The following EPB41L1 variants were observed in gnomAD, a reference collection of about 807,000 sequenced individuals.
EPB41L1 encodes band 4.1-like protein 1.
Under a neutral mutation model 97.8 loss-of-function variants are expected in EPB41L1, and 29 were observed. That is an observed-to-expected ratio of 0.30 (90% CI 0.22 to 0.40). The LOEUF is 0.40. Among genes scored for constraint, EPB41L1 ranks in the 10% least tolerant of loss-of-function variants. EPB41L1 has a pLI of 1.00. For missense variants in EPB41L1, 812 were observed against 1,162.3 expected, an observed-to-expected ratio of 0.70 and a Z score of 4.38; for synonymous variants, 383 against 459.2, an observed-to-expected ratio of 0.83 and a Z score of 2.12.
intron 1 of EPB41L1, among the ~76,000 whole-genome samples, chr20:36,108,740 A>G (rs745986845): frequency 7.9e-5 from 12 of 152,186 alleles, no homozygotes; most frequent in Non-Finnish European, 1.8e-4. Flanking sequence ...CTCGCATTGT[A>G]TTTCTATTTG....
chr20:36,190,526 G>T lies in EPB41L1; in HGVS notation c.1125-96G>T. On this transcript the variant is annotated intron_variant, in intron 10 of 21. Coordinates refer to ENST00000338074, the MANE Select transcript of EPB41L1 (RefSeq NM_012156.2). The surrounding 1 kb of genome is among the most constrained non-coding windows in gnomAD (Gnocchi z 5.8). ...TGGACCACTTTGAATTGTTGTAGTT[G>T]GTGGAGTAGTGGGATGAAAGGCCAG... 6.4e-7 allele frequency: 1 copy of T among 1,562,920 alleles called. No individual in the cohort carries two copies. The highest frequency in any genetic ancestry group is 1.1e-5 in the South Asian group (1 of 88,836).
chr20:36,160,662 C>T (rs1031382329), intron 1 of EPB41L1, among the ~76,000 whole-genome samples: 1 of 152,166 alleles, frequency 6.6e-6, no homozygotes, highest in Admixed American at 6.5e-5. Context: ...TCCTACTCTC[C>T]AGTCGTAGCT....
chr20:36,128,774 T>G (rs920084328), intron 2 of EPB41L1, among the ~76,000 whole-genome samples: 19 of 152,302 alleles, frequency 1.2e-4, no homozygotes, highest in Non-Finnish European at 2.5e-4. Context: ...CTTCAGAGCC[T>G]GGTTTAGTTT....
intron 2 of EPB41L1, among the ~76,000 whole-genome samples, chr20:36,133,699 A>G (rs2059307772): frequency 6.6e-6 from 1 of 152,134 alleles, no homozygotes; most frequent in African/African-American, 2.4e-5. Flanking sequence ...TACAAAAAAT[A>G]CAAAAATTAC....
chr20:36,128,085 G>A (rs2059044201), intron 2 of EPB41L1, among the ~76,000 whole-genome samples: 1 of 152,156 alleles, frequency 6.6e-6, no homozygotes, highest in African/African-American at 2.4e-5. Flanking sequence ...GGGGCAGCTG[G>A]AAGAGCCCTG....
At chr20:36,121,201 C>G (rs1052245055) in intron 2 of EPB41L1, among the ~76,000 whole-genome samples, 11 of 152,136 alleles carry the variant, frequency 7.2e-5, no homozygotes, top group Middle Eastern at 3.4e-3. Flanking sequence ...GCACCCTGAT[C>G]TTTGACTTCT....
At chr20:36,125,517 G>A (rs759706359) in intron 2 of EPB41L1, 28 of 1,522,578 alleles carry the variant, frequency 1.8e-5, no homozygotes, top group East Asian at 9.8e-5. Flanking sequence ...CCTACTGAGC[G>A]CTCAGTAAAG....
intron 1 of EPB41L1, among the ~76,000 whole-genome samples, chr20:36,103,797 G>A (rs2058099663): frequency 6.6e-6 from 1 of 150,836 alleles, no homozygotes; most frequent in Admixed American, 6.6e-5. Context: ...CCACCTTCTG[G>A]GTTCACGCCA....
In EPB41L1 at chr20:36,092,384, C is replaced by T. The variant is rs977178727; in HGVS notation, c.-65+772C>T. ...CCGCAGCTCAGGTTGACGCCGGGCC[C>T]ACGTGGGGAAGCCGGCGGCGGGTCC... On this transcript the variant is annotated intron_variant, in intron 1 of 19. Transcript: ENST00000202028. The surrounding 1 kb of genome is among the most constrained non-coding windows in gnomAD (Gnocchi z 7.0). Among the ~76,000 whole-genome samples the T allele has an allele frequency of 2.6e-5, 4 of 152,132 alleles. No individual in the cohort carries two copies. Among genetic ancestry groups the T allele is most frequent in the African/African-American group, 9.7e-5 (4 of 41,436 alleles).
intron 1 of EPB41L1, among the ~76,000 whole-genome samples, chr20:36,105,689 T>C (rs1006835775): frequency 4.6e-5 from 7 of 152,070 alleles, no homozygotes; most frequent in Non-Finnish European, 1.0e-4. Flanking sequence ...CATGAGCCCC[T>C]CCCTCTTCTC....
In EPB41L1 at chr20:36,207,571, A is replaced by G; in HGVS notation, c.1669-1917A>G. The G allele has an allele frequency of 7.8e-7, 1 of 1,289,940 alleles. No homozygotes were observed. Among genetic ancestry groups the G allele is most frequent in the South Asian group, 1.2e-5 (1 of 81,030 alleles). The allele number at this position is 1,289,940 out of a possible 1,614,324, so 79.9% of individuals were successfully genotyped here. A position where few individuals can be genotyped will look rare whatever the true frequency, so the allele number is the denominator to read the frequency against. On this transcript the variant is annotated intron_variant, in intron 14 of 21. Transcript: ENST00000338074. This position sits in a 1 kb window ranked among gnomAD's most constrained non-coding sequence, Gnocchi z 4.9. ...CGTGGGACAAGCAGAGCAGCAGCGG[A>G]GTACGCTCTCAGACCTGGGCTTCGC...
intron 14 of EPB41L1, among the ~76,000 whole-genome samples, chr20:36,204,554 G>A (rs1420599872): frequency 7.0e-6 from 1 of 143,430 alleles, no homozygotes; most frequent in African/African-American, 2.6e-5. Context: ...GTGCGATCTC[G>A]GCTCACCGCA....
chr20:36,186,835 G>A lies in EPB41L1; in HGVS notation c.786-841G>A, dbSNP rs186353564. The stretch of plus-strand genomic sequence containing the variant: ...TCGTGTCCAAGTATCCCACACAGCA[G>A]CCCAGAGGTAGACAGGTCACAGGAA... On this transcript the variant is annotated intron_variant, in intron 7 of 21. Coordinates refer to ENST00000338074, the MANE Select transcript of EPB41L1 (RefSeq NM_012156.2). Among the ~76,000 whole-genome samples, 9 of 152,274 alleles carry A rather than the reference G, an allele frequency of 5.9e-5. No homozygotes were observed. In the East Asian group the frequency reaches 1.7e-3, roughly 29 times the overall value.
chr20:36,196,150 A>G (rs1375638189), intron 13 of EPB41L1, among the ~76,000 whole-genome samples: 2 of 152,218 alleles, frequency 1.3e-5, no homozygotes, highest in Non-Finnish European at 2.9e-5. Flanking sequence ...AGACTGGGAC[A>G]TAAGAAGAGC....
In EPB41L1 at chr20:36,195,200, G is replaced by T. The variant is rs968211891; in HGVS notation, c.1450-129G>T. 34 of 1,100,346 alleles carry T rather than the reference G, an allele frequency of 3.1e-5. No homozygotes were observed. In the African/African-American group the frequency reaches 4.3e-4, roughly 14 times the overall value. 68.2% of individuals were successfully genotyped at this position (1,100,346 alleles called of 1,614,324 possible). A position where few individuals can be genotyped will look rare whatever the true frequency, so the allele number is the denominator to read the frequency against. On this transcript the variant is annotated intron_variant, in intron 12 of 21. Transcript: ENST00000338074. This position sits in a 1 kb window ranked among gnomAD's most constrained non-coding sequence, Gnocchi z 4.6. ...TGCCCTGCTGGTGGCCCACCCAGCT[G>T]CCCTGGCCTCCACTTGGTCGAGTGT...
chr20:36,207,012 C>T lies in EPB41L1; in HGVS notation c.1669-2476C>T. On this transcript the variant is annotated intron_variant, in intron 14 of 21. Coordinates refer to ENST00000338074, the MANE Select transcript of EPB41L1 (RefSeq NM_012156.2). The surrounding 1 kb of genome is among the most constrained non-coding windows in gnomAD (Gnocchi z 4.9). Reference sequence around the variant, plus strand: ...CACCCAAAGAGAGGGGAGTGGTTCCCACCCAGAAAGGAGGGGCTGAGCTGA... The same window carrying T: ...CACCCAAAGAGAGGGGAGTGGTTCCTACCCAGAAAGGAGGGGCTGAGCTGA... 7.8e-7 allele frequency: 1 copy of T among 1,289,916 alleles called. No homozygotes were observed. The highest frequency in any genetic ancestry group is 1.0e-6 in the Non-Finnish European group (1 of 988,882). The allele number at this position is 1,289,916 out of a possible 1,614,324, so 79.9% of individuals were successfully genotyped here.
At chr20:36,100,178 GCTT>G (rs1174368344) in intron 1 of EPB41L1, among the ~76,000 whole-genome samples, 13 of 152,344 alleles carry the variant, frequency 8.5e-5, no homozygotes, top group African/African-American at 3.1e-4. Context: ...AAGAGAGAGG[GCTT>G]ATACTGTCCT....
In EPB41L1 at chr20:36,227,216, T is replaced by C. The variant is rs116213555; in HGVS notation, c.2638-2116T>C. 6.3e-3 allele frequency among the ~76,000 whole-genome samples: 953 copies of C among 152,056 alleles called. 9 individuals carry two copies. Among genetic ancestry groups the C allele is most frequent in the African/African-American group, 0.022 (903 of 41,458 alleles). Reference sequence around the variant, plus strand: ...CCTGTAGTCCCAGCTACTTGGGAAGTTGAAGCGGGAGGATTGCTTGAGTCC... The same window carrying C: ...CCTGTAGTCCCAGCTACTTGGGAAGCTGAAGCGGGAGGATTGCTTGAGTCC... On this transcript the variant is annotated intron_variant, in intron 21 of 21. Transcript: ENST00000338074.
At chr20:36,152,945 G>A (rs749780078), upstream of EPB41L1, 7 of 455,694 alleles carry the variant, frequency 1.5e-5, no homozygotes, top group East Asian at 2.1e-4. Context: ...AGATTTGTCT[G>A]TCTTCCCACC....
Sources: gnomAD v4.1 joint callset for allele counts (sites outside exome capture counted in the v4.1 genomes callset) on GRCh38, gnomAD v4.1.1 for gene constraint, Gnocchi (gnomAD v3.1) non-coding constraint, MANE v1.5 for transcripts, NCBI Gene and HGNC (gene_info 2026-07-23, HGNC 2026-07-21) for gene names.